NRCAM: variants seen among roughly 807,000 people sequenced by gnomAD.
The protein encoded by NRCAM is neuronal cell adhesion molecule.
A neutral mutation model predicts 156.5 loss-of-function variants in NRCAM; 83 were observed. The observed-to-expected ratio is 0.53, with a 90% CI of 0.44 to 0.64. NRCAM has a LOEUF of 0.64. NRCAM is among the 30% of genes least tolerant of loss of function. NRCAM has a pLI of 0.00. For missense variants in NRCAM, 1,417 were observed against 1,597.3 expected (o/e 0.89, Z 1.92); for synonymous variants, 538 against 563.9 (o/e 0.95, Z 0.65).
intron 2 of NRCAM, among the ~76,000 whole-genome samples, chr7:108,316,767 C>T (rs1282056225): frequency 6.8e-6 from 1 of 146,764 alleles, no homozygotes; most frequent in Non-Finnish European, 1.5e-5. Flanking sequence ...CCAGCCTGGG[C>T]AATGGAGCAA....
rs539377515 is a variant in NRCAM, at chr7:108,383,876, C to T, written c.-174+15560G>A. Among the ~76,000 whole-genome samples, 5 of 152,196 alleles carry T rather than the reference C, an allele frequency of 3.3e-5. No individual in the cohort carries two copies. The East Asian group carries it at 9.6e-4, about 29-fold the overall frequency. On this transcript the variant is annotated intron_variant, in intron 2 of 32. Coordinates refer to ENST00000379028, the MANE Select transcript of NRCAM (RefSeq NM_001037132.4). ...AGTCTGAGATGCGTAACTGAACTTCCTACTCTGAAAAATGACCATCATGAT... is the reference window on the plus strand; with the variant it reads ...AGTCTGAGATGCGTAACTGAACTTCTTACTCTGAAAAATGACCATCATGAT...
At chr7:108,226,501 A>C (rs931937895) in intron 8 of NRCAM, 123 bp from the exon 9 acceptor site, 2 of 569,108 alleles carry the variant, frequency 3.5e-6, no homozygotes, top group Non-Finnish European at 5.9e-6. Context: ...TTTTCTCTAT[A>C]TAGCTCTTTG....
intron 22 of NRCAM, among the ~76,000 whole-genome samples, chr7:108,183,606 G>A (rs529536328): frequency 3.7e-4 from 55 of 150,684 alleles, no homozygotes; most frequent in Middle Eastern, 3.4e-3. Context: ...GTGTAATCTC[G>A]GCGCACTGCA....
rs760953512 is a variant in NRCAM, at chr7:108,330,165, T to C, written c.-173-17434A>G. Among the ~76,000 whole-genome samples the C allele has an allele frequency of 4.7e-4, 72 of 152,256 alleles. 2 individuals are homozygous for C. The highest frequency in any genetic ancestry group is 1.6e-4 in the Non-Finnish European group (11 of 68,050). ...CAAGTGCATTTATAAAATTTAAATA[T>C]GCATTTCCATTGGAAAGAAGAATTT... On this transcript the variant is annotated intron_variant, in intron 2 of 32. Transcript: ENST00000379028.
intron 2 of NRCAM, among the ~76,000 whole-genome samples, chr7:108,394,417 C>A (rs1596310524): frequency 6.6e-6 from 1 of 152,158 alleles, no homozygotes; most frequent in Non-Finnish European, 1.5e-5. Context: ...TCAAAGAAAT[C>A]AGACTGAGGG....
intron 3 of NRCAM, among the ~76,000 whole-genome samples, chr7:108,278,605 A>T (rs955390903): frequency 9.9e-5 from 15 of 152,218 alleles, no homozygotes; most frequent in African/African-American, 3.6e-4. Flanking sequence ...TGTGAAGACC[A>T]TAGGAAAAGC....
chr7:108,171,190 C>T (rs1017832405), intron 28 of NRCAM, among the ~76,000 whole-genome samples: 2 of 152,196 alleles, frequency 1.3e-5, no homozygotes, highest in African/African-American at 2.4e-5. Flanking sequence ...TCCCAACGGA[C>T]TGCTTCCGGT....
chr7:108,297,485 A>C (rs2098473563), intron 3 of NRCAM, among the ~76,000 whole-genome samples: 1 of 152,256 alleles, frequency 6.6e-6, no homozygotes, highest in Admixed American at 6.5e-5. Context: ...CAAAGGGATG[A>C]AACTTTCATT....
chr7:108,222,887 C>A (rs916793712), intron 11 of NRCAM, among the ~76,000 whole-genome samples: 1 of 152,200 alleles, frequency 6.6e-6, no homozygotes, highest in African/African-American at 2.4e-5. Context: ...CCTTGTAACA[C>A]AGAGCTAACA....
rs771871739 is a variant in NRCAM at position 108,195,834 on chromosome 7, A to T, written c.1390T>A (p.Tyr464Asn). The part of the protein sequence containing the change: ...PRILTPANTL[Y>N]QVIANRPALL... ...GCAGGCCTGTTTGCAATGACCTGGTAGAGTGTGTTTGCAGGTGTGAGGATT... is the reference window on the plus strand; with the variant it reads ...GCAGGCCTGTTTGCAATGACCTGGTTGAGTGTGTTTGCAGGTGTGAGGATT... Residue 464 changes from tyrosine to asparagine, a missense_variant, in exon 15 of 33, where the codon TAC (tyrosine) becomes AAC (asparagine). This residue lies in a region of NRCAM where 1,238 missense variants were observed against 1,336.4 expected (regional missense o/e 0.93). Coordinates refer to ENST00000379028, the MANE Select transcript of NRCAM (RefSeq NM_001037132.4). The T allele has an allele frequency of 6.2e-7, 1 of 1,613,678 alleles. No individual in the cohort carries two copies. The highest frequency in any genetic ancestry group is 8.5e-7 in the Non-Finnish European group (1 of 1,179,692).
At chr7:108,352,601 C>CT (rs1480145673) in intron 2 of NRCAM, among the ~76,000 whole-genome samples, 1 of 152,186 alleles carries the variant, frequency 6.6e-6, no homozygotes, top group Non-Finnish European at 1.5e-5. Flanking sequence ...AAAATAACCA[C>CT]ATACAGAAAT....
chr7:108,413,620 T>C (rs534179211), intron 1 of NRCAM, among the ~76,000 whole-genome samples: 1 of 152,310 alleles, frequency 6.6e-6, no homozygotes, highest in South Asian at 2.1e-4. Context: ...AACACTTACA[T>C]ATTTAGTCTA....
At chr7:108,436,438 G>A (rs1477762037) in intron 1 of NRCAM, among the ~76,000 whole-genome samples, 15 of 152,056 alleles carry the variant, frequency 9.9e-5, no homozygotes, top group African/African-American at 3.6e-4. Flanking sequence ...AAGAGCTGTG[G>A]CCTTTAAGAG....
intron 3 of NRCAM, among the ~76,000 whole-genome samples, chr7:108,307,195 A>G (rs560118949): frequency 6.6e-6 from 1 of 152,356 alleles, no homozygotes; most frequent in South Asian, 2.1e-4. Context: ...GGCTCATGTG[A>G]GCGAAGCAGC....
chr7:108,422,581 A>T (rs1811475224), intron 1 of NRCAM, among the ~76,000 whole-genome samples: 1 of 152,190 alleles, frequency 6.6e-6, no homozygotes, highest in Admixed American at 6.5e-5. Flanking sequence ...GATACAGGTC[A>T]TCCTTTACAT....
In NRCAM at chr7:108,274,770, T is replaced by C. The variant is rs563064875; in HGVS notation, c.-106-34600A>G. On this transcript the variant is annotated intron_variant, in intron 3 of 32. Coordinates refer to ENST00000379028, the MANE Select transcript of NRCAM (RefSeq NM_001037132.4). ...TGATTGTCCTGGCCAGAACTTCCAA[T>C]ACATTTTGAATAGGAGTGGCGACAG... 7.4e-4 allele frequency among the ~76,000 whole-genome samples: 113 copies of C among 152,244 alleles called. 1 individual carries two copies. The South Asian group carries it at 9.1e-3, about 12-fold the overall frequency.
chr7:108,384,452 T>C (rs2154363400), intron 2 of NRCAM, among the ~76,000 whole-genome samples: 1 of 152,240 alleles, frequency 6.6e-6, no homozygotes, highest in East Asian at 1.9e-4. Flanking sequence ...TTGAAGGTTG[T>C]ATTTGAACTT....
intron 3 of NRCAM, among the ~76,000 whole-genome samples, chr7:108,250,810 T>C (rs2096296442): frequency 1.3e-5 from 2 of 152,150 alleles, no homozygotes; most frequent in South Asian, 2.1e-4. Flanking sequence ...GGATAACCCA[T>C]TTTACATGAT....
intron 6 of NRCAM, among the ~76,000 whole-genome samples, chr7:108,233,306 C>T (rs1450520756): frequency 6.6e-6 from 1 of 152,164 alleles, no homozygotes; most frequent in Non-Finnish European, 1.5e-5. Flanking sequence ...TTTCTAGGAT[C>T]ACTTGGATTT....
Sources: gnomAD v4.1 joint callset for allele counts (sites outside exome capture counted in the v4.1 genomes callset) on GRCh38, gnomAD v4.1.1 for gene constraint, gnomAD v4.1.1 regional missense constraint, MANE v1.5 for transcripts, NCBI Gene and HGNC (gene_info 2026-07-23, HGNC 2026-07-21) for gene names.